FIG4: variants seen among roughly 807,000 people sequenced by gnomAD.
FIG4 encodes FIG4 phosphoinositide 5-phosphatase.
FIG4 carries 112 observed loss-of-function variants against 118.6 expected under a neutral mutation model. That is an observed-to-expected ratio of 0.94 (90% CI 0.81 to 1.11). The LOEUF is 1.11. Ranked by LOEUF, FIG4 falls within the 50% of genes least tolerant of loss-of-function variation. The pLI is 0.00. For synonymous variants in FIG4, 369 were observed against 381.2 expected (o/e 0.97, Z 0.37); for missense variants, 969 against 1,111.7 (o/e 0.87, Z 1.83).
At chr6:109,800,961 A>G (rs569055430) in intron 22 of FIG4, among the ~76,000 whole-genome samples, 2 of 152,318 alleles carry the variant, frequency 1.3e-5, no homozygotes, top group East Asian at 3.9e-4. Flanking sequence ...CCTGGCAGGC[A>G]GGTGCTGTGG....
At chr6:109,716,626 A>G in intron 3 of FIG4, 58 bp downstream of exon 3, 6 of 1,595,164 alleles carry the variant, frequency 3.8e-6, no homozygotes, top group Non-Finnish European at 4.3e-6. Flanking sequence ...TCTTCTCTAC[A>G]TAGACTACTT....
chr6:109,781,962 C>A (rs1354874485), intron 16 of FIG4, among the ~76,000 whole-genome samples: 1 of 151,874 alleles, frequency 6.6e-6, no homozygotes, highest in Non-Finnish European at 1.5e-5. Flanking sequence ...TATTGCCCTG[C>A]CCATATTTCT....
chr6:109,741,599 C>A, intron 8 of FIG4, 55 bp downstream of exon 8: 1 of 1,112,230 alleles, frequency 9.0e-7, no homozygotes, highest in South Asian at 1.2e-5. Context: ...ATCAGCTTTG[C>A]TGATGTAGAA....
intron 9 of FIG4, 100 bp from the exon 10 acceptor site, chr6:109,743,575 A>T: frequency 2.3e-6 from 2 of 855,088 alleles, no homozygotes; most frequent in Non-Finnish European, 3.9e-6. Flanking sequence ...CTATTGAAAG[A>T]TTAGTTGAAT....
intron 1 of FIG4, among the ~76,000 whole-genome samples, chr6:109,710,480 G>A (rs35749108): frequency 6.6e-6 from 1 of 152,170 alleles, no homozygotes; most frequent in African/African-American, 2.4e-5. Context: ...GAATGAGTTA[G>A]GGAGGAGTCC....
intron 4 of FIG4, among the ~76,000 whole-genome samples, chr6:109,727,677 T>A (rs1332800824): frequency 1.3e-5 from 2 of 152,184 alleles, no homozygotes; most frequent in Non-Finnish European, 2.9e-5. Flanking sequence ...CAGCAGACAT[T>A]CTTATCCAAA....
intron 10 of FIG4, among the ~76,000 whole-genome samples, chr6:109,747,859 C>T (rs1583677023): frequency 6.6e-6 from 1 of 152,054 alleles, no homozygotes; most frequent in Non-Finnish European, 1.5e-5. Context: ...GATCATAGCT[C>T]GCTGCAACCT....
intron 10 of FIG4, among the ~76,000 whole-genome samples, chr6:109,746,256 TGA>T (rs1190098607): frequency 2.0e-5 from 3 of 152,154 alleles, no homozygotes; most frequent in Non-Finnish European, 4.4e-5. Context: ...CAAGTATTTT[TGA>T]GAGTTTCCTA....
intron 1 of FIG4, among the ~76,000 whole-genome samples, chr6:109,711,609 G>T (rs1008276650): frequency 6.6e-6 from 1 of 151,356 alleles, no homozygotes; most frequent in South Asian, 2.1e-4. Flanking sequence ...TCTGTTTCCC[G>T]TTTGCTTGAT....
intron 10 of FIG4, among the ~76,000 whole-genome samples, chr6:109,750,645 GA>G (rs749600775): frequency 6.6e-6 from 1 of 151,872 alleles, no homozygotes; most frequent in Non-Finnish European, 1.5e-5. Flanking sequence ...TATAAAAAAA[GA>G]AAAAAGAAAT....
Position 109,796,854 on chromosome 6 carries a change from A to G in FIG4, c.2546+3A>G. 7.9e-6 allele frequency: 12 copies of G among 1,521,364 alleles called. No individual in the cohort carries two copies. Among genetic ancestry groups the G allele is most frequent in the Non-Finnish European group, 1.1e-5 (12 of 1,095,292 alleles). 94.2% of individuals were successfully genotyped at this position (1,521,364 alleles called of 1,614,324 possible). A position where few individuals can be genotyped will look rare whatever the true frequency, so the allele number is the denominator to read the frequency against. On this transcript the variant is annotated splice_donor_region_variant and intron_variant, in intron 22 of 22. Coordinates refer to ENST00000230124, the MANE Select transcript of FIG4 (RefSeq NM_014845.6). ...TGCTCAGATGGAGTTATAAAACTGT[A>G]AGTACTAGATTAGATCTTTAAAGAA... is the stretch of plus-strand genomic sequence containing the variant.
intron 12 of FIG4, among the ~76,000 whole-genome samples, chr6:109,762,446 A>G (rs922134978): frequency 7.2e-5 from 11 of 151,964 alleles, no homozygotes; most frequent in African/African-American, 2.4e-4. Flanking sequence ...AACAAATGTT[A>G]CATAAAATAT....
intron 14 of FIG4, among the ~76,000 whole-genome samples, chr6:109,765,708 A>G (rs1216491431): frequency 6.6e-6 from 1 of 152,228 alleles, no homozygotes; most frequent in Non-Finnish European, 1.5e-5. Context: ...GTCTTCATAC[A>G]TACTAAAAAT....
At chr6:109,722,692 A>G (rs1339163346) in intron 3 of FIG4, among the ~76,000 whole-genome samples, 1 of 152,076 alleles carries the variant, frequency 6.6e-6, no homozygotes, top group East Asian at 1.9e-4. Context: ...AGACAGCTGT[A>G]TATGACTGTA....
intron 16 of FIG4, among the ~76,000 whole-genome samples, chr6:109,779,334 T>G (rs534503683): frequency 1.3e-4 from 20 of 152,208 alleles, no homozygotes; most frequent in Non-Finnish European, 2.9e-4. Context: ...AACCCCTTGC[T>G]CACCTTGAGT....
At chr6:109,712,904 C>CT (rs1775308687) in intron 1 of FIG4, among the ~76,000 whole-genome samples, 1 of 152,046 alleles carries the variant, frequency 6.6e-6, no homozygotes, top group South Asian at 2.1e-4. Flanking sequence ...TTTATATGGC[C>CT]TTTTTTTCTT....
intron 22 of FIG4, among the ~76,000 whole-genome samples, chr6:109,823,067 G>T (rs552367682): frequency 6.6e-6 from 1 of 151,826 alleles, no homozygotes; most frequent in Non-Finnish European, 1.5e-5. Context: ...TAATGTCATT[G>T]TATACTTTGA....
At chr6:109,749,664 G>A (rs1776630675) in intron 10 of FIG4, among the ~76,000 whole-genome samples, 2 of 150,482 alleles carry the variant, frequency 1.3e-5, no homozygotes, top group Non-Finnish European at 3.0e-5. Flanking sequence ...TGGTTGAAAA[G>A]CTGTCATTAA....
chr6:109,823,374 A>G (rs1321167552), intron 22 of FIG4, among the ~76,000 whole-genome samples: 4 of 152,136 alleles, frequency 2.6e-5, no homozygotes, highest in African/African-American at 4.8e-5. Context: ...TGAGCAGACA[A>G]CCTGCTCTCC....
Sources: gnomAD v4.1 joint callset for allele counts (sites outside exome capture counted in the v4.1 genomes callset) on GRCh38, gnomAD v4.1.1 for gene constraint, MANE v1.5 for transcripts, NCBI Gene and HGNC (gene_info 2026-07-23, HGNC 2026-07-21) for gene names.